The following E2F3 variants were observed in gnomAD, a reference collection of about 807,000 sequenced individuals.
E2F3 encodes E2F transcription factor 3.
In E2F3, 11 loss-of-function variants were observed where a neutral mutation model predicts 44.4. The observed-to-expected ratio is 0.25, with a 90% CI of 0.16 to 0.41. E2F3 has a LOEUF of 0.41. E2F3 is among the 10% of genes least tolerant of loss of function. The probability of loss-of-function intolerance (pLI) is 1.00; values close to 1 mark genes in which losing one functional copy is unlikely to be tolerated. For synonymous variants in E2F3, 249 were observed against 253.0 expected (o/e 0.98, Z 0.15); for missense variants, 487 against 583.6 (o/e 0.83, Z 1.70).
rs1762217555 is a variant in E2F3 at position 20,481,304 on chromosome 6, T to C, written c.604T>C (p.Leu202=). The C allele has an allele frequency of 6.2e-7, 1 of 1,614,056 alleles. No individual in the cohort carries two copies. The highest frequency in any genetic ancestry group is 1.7e-5 in the Admixed American group (1 of 60,010). Residue 202 remains leucine, a synonymous_variant, in exon 3 of 7, where the codon TTG becomes CTG. Transcript: ENST00000346618. ...CCTGAGCCAGTCACCCGATGGGGTA[T>C]TGGATTTGAACAAGGCAGCAGAAGT... The part of the protein sequence containing the change: ...QLLSQSPDGV[L]DLNKAAEVLK...
intron 5 of E2F3, 67 bp from the exon 6 acceptor site, chr6:20,488,046 A>C: frequency 6.3e-7 from 1 of 1,589,756 alleles, no homozygotes; most frequent in Non-Finnish European, 8.5e-7. Context: ...ATTTTTAGAC[A>C]AGAATTACTA....
rs376381617 is a variant in E2F3 at position 20,448,464 on chromosome 6, T to TAC, written c.394-31364_394-31363dup. ...TGCTTGCCTTTAATATGTATATGTA[T>TAC]ACACACACACACACACACAGCAGTT... On this transcript the variant is annotated intron_variant, in intron 1 of 6. Transcript: ENST00000346618. Among the ~76,000 whole-genome samples, 1,467 of 150,708 alleles carry TAC rather than the reference T, an allele frequency of 9.7e-3. 18 individuals carry two copies. Among genetic ancestry groups the TAC allele is most frequent in the African/African-American group, 0.026 (1,076 of 41,186 alleles).
At chr6:20,469,092 T>C (rs1251832816) in intron 1 of E2F3, among the ~76,000 whole-genome samples, 1 of 152,124 alleles carries the variant, frequency 6.6e-6, no homozygotes, top group Non-Finnish European at 1.5e-5. Context: ...TGAGGGCAAA[T>C]GGTGCCAACG....
intron 3 of E2F3, 24 bp from the exon 4 acceptor site, chr6:20,482,738 A>C: frequency 6.4e-7 from 1 of 1,572,428 alleles, no homozygotes; most frequent in Non-Finnish European, 8.6e-7. Context: ...AGTAGCCATG[A>C]AGAGTCTGTG....
intron 1 of E2F3, among the ~76,000 whole-genome samples, chr6:20,432,359 C>T (rs1241143801): frequency 6.6e-6 from 1 of 152,216 alleles, no homozygotes; most frequent in Non-Finnish European, 1.5e-5. Flanking sequence ...CCTGTGTCTT[C>T]ACTTCTGCTC....
chr6:20,487,903 A>C (rs1479249280), intron 5 of E2F3, among the ~76,000 whole-genome samples: 2 of 152,206 alleles, frequency 1.3e-5, no homozygotes, highest in African/African-American at 4.8e-5. Context: ...TTTATTTACA[A>C]AGCCACTTGG....
chr6:20,488,237 C>T lies in E2F3; in HGVS notation c.1124C>T (p.Pro375Leu), dbSNP rs1316954286. ...NQDHNGNIPK[P>L]ASKDLASTNS... ...GACCACAATGGGAATATCCCTAAACCCGCTTCCAAAGGTAAAAACTCCACT... is the reference window on the plus strand; with the variant it reads ...GACCACAATGGGAATATCCCTAAACTCGCTTCCAAAGGTAAAAACTCCACT... The change falls in exon 6 of 7, where the codon CCC (proline) becomes CTC (leucine). Residue 375 changes from proline to leucine, a missense_variant. This residue lies in a region of E2F3 where 220 missense variants were observed against 261.7 expected (regional missense o/e 0.84). Coordinates refer to ENST00000346618, the MANE Select transcript of E2F3 (RefSeq NM_001949.5). The T allele has an allele frequency of 1.3e-6, 2 of 1,587,852 alleles. No individual in the cohort carries two copies. The highest frequency in any genetic ancestry group is 1.7e-6 in the Non-Finnish European group (2 of 1,173,252).
intron 1 of E2F3, among the ~76,000 whole-genome samples, chr6:20,444,557 G>A (rs539095710): frequency 6.6e-5 from 10 of 152,098 alleles, no homozygotes; most frequent in South Asian, 2.1e-4. Context: ...AAGTCTAGTC[G>A]TGGGTCTGTT....
chr6:20,447,530 C>G (rs531630921), intron 1 of E2F3, among the ~76,000 whole-genome samples: 1 of 149,506 alleles, frequency 6.7e-6, no homozygotes, highest in African/African-American at 2.5e-5. Context: ...CACTACACTA[C>G]TCTCAGCAAT....
chr6:20,464,208 CT>C (rs1190606107), intron 1 of E2F3, among the ~76,000 whole-genome samples: 1 of 152,150 alleles, frequency 6.6e-6, no homozygotes, highest in East Asian at 1.9e-4. Context: ...CATCATTGGC[CT>C]TTGGTGATCA....
chr6:20,421,227 G>A (rs544037325), intron 1 of E2F3, among the ~76,000 whole-genome samples: 21 of 152,128 alleles, frequency 1.4e-4, no homozygotes, highest in Admixed American at 9.8e-4. Flanking sequence ...AACTTCTTCC[G>A]AACTTCTGTT....
At chr6:20,486,178 G>T (rs78010664) in intron 4 of E2F3, among the ~76,000 whole-genome samples, 1 of 152,064 alleles carries the variant, frequency 6.6e-6, no homozygotes, top group African/African-American at 2.4e-5. Flanking sequence ...AGAAATGGGC[G>T]GGATAAAGCT....
intron 1 of E2F3, among the ~76,000 whole-genome samples, chr6:20,431,282 T>C (rs1760390987): frequency 6.6e-6 from 1 of 152,198 alleles, no homozygotes; most frequent in South Asian, 2.1e-4. Context: ...CTATCTTCAG[T>C]GACCTTAAAG....
Position 20,402,277 on chromosome 6 carries a change from C to T in E2F3, c.45C>T (p.Thr15=). The change falls in exon 1 of 7, where the codon ACC becomes ACT. Residue 15 remains threonine (T), a synonymous_variant. Coordinates refer to ENST00000346618, the MANE Select transcript of E2F3 (RefSeq NM_001949.5). This position sits in a 1 kb window ranked among gnomAD's most constrained non-coding sequence, Gnocchi z 5.6. ...IQPALEQYLV[T]AGGGEGAAVV... ...CCGCTCTGGAGCAGTACCTGGTGAC[C>T]GCCGGGGGTGGGGAGGGGGCGGCTG... is the stretch of plus-strand genomic sequence containing the variant. 2 of 1,608,502 alleles carry T rather than the reference C, an allele frequency of 1.2e-6. No individual in the cohort carries two copies. Among genetic ancestry groups the T allele is most frequent in the Non-Finnish European group, 1.7e-6 (2 of 1,178,644 alleles).
intron 6 of E2F3, among the ~76,000 whole-genome samples, chr6:20,488,942 C>T (rs1273907221): frequency 5.3e-5 from 8 of 151,898 alleles, no homozygotes; most frequent in East Asian, 1.9e-4. Flanking sequence ...TGCAGTGAGC[C>T]GAGATCCGCC....
chr6:20,431,331 G>A (rs1488508752), intron 1 of E2F3, among the ~76,000 whole-genome samples: 1 of 152,168 alleles, frequency 6.6e-6, no homozygotes, highest in Non-Finnish European at 1.5e-5. Context: ...CTGCATCAAC[G>A]GTGATCTGCT....
At chr6:20,443,319 CAA>C (rs34874121) in intron 1 of E2F3, among the ~76,000 whole-genome samples, 27,010 of 152,204 alleles carry the variant, frequency 0.18, 2,983 homozygotes, top group South Asian at 0.32. Context: ...TTCCTATTTA[CAA>C]AAGACACAGT....
At chr6:20,433,177 TGG>T (rs1760463358) in intron 1 of E2F3, among the ~76,000 whole-genome samples, 2 of 152,290 alleles carry the variant, frequency 1.3e-5, no homozygotes. Context: ...TTAAGGGGCA[TGG>T]AAGATTACTC....
At chr6:20,466,129 T>C (rs9295470) in intron 1 of E2F3, among the ~76,000 whole-genome samples, 24 of 148,070 alleles carry the variant, frequency 1.6e-4, no homozygotes, top group Admixed American at 1.5e-3. Context: ...GGGCGGGGGG[T>C]GTGGGCAGAG....
Sources: allele counts gnomAD v4.1 joint callset (sites outside exome capture counted in the v4.1 genomes callset), GRCh38; gene constraint gnomAD v4.1.1; regional missense constraint gnomAD v4.1.1; non-coding constraint Gnocchi (gnomAD v3.1); transcripts MANE v1.5; gene names NCBI Gene and HGNC (gene_info 2026-07-23, HGNC 2026-07-21).